The following DOK6 variants were observed in gnomAD, a reference collection of about 807,000 sequenced individuals.
DOK6 encodes downstream of tyrosine kinase 6.
A neutral mutation model predicts 44.0 loss-of-function variants in DOK6; 22 were observed. The ratio of observed to expected loss-of-function variants is 0.50; its 90% CI spans 0.36 to 0.71. The LOEUF is 0.71. DOK6 is among the 30% of genes least tolerant of loss of function. The pLI is 0.00. For synonymous variants in DOK6, 166 were observed against 145.5 expected (o/e 1.14, Z -1.01); for missense variants, 340 against 416.4 (o/e 0.82, Z 1.60).
At chr18:69,755,685 C>T (rs987988457) in intron 6 of DOK6, among the ~76,000 whole-genome samples, 1 of 152,164 alleles carries the variant, frequency 6.6e-6, no homozygotes, top group Admixed American at 6.5e-5. Context: ...GTGTAATGCA[C>T]GTTTTTAACG....
At chr18:69,483,583 A>T (rs1487321166) in intron 1 of DOK6, 3 of 152,168 alleles carry the variant, frequency 2.0e-5, no homozygotes, top group Non-Finnish European at 4.4e-5. Context: ...TTTCCTCTCT[A>T]GTCTTTGCTT....
intron 3 of DOK6, among the ~76,000 whole-genome samples, chr18:69,620,173 C>T (rs1375239593): frequency 6.6e-6 from 1 of 152,046 alleles, no homozygotes; most frequent in African/African-American, 2.4e-5. Context: ...TTAGTAGACA[C>T]TTGTGATTAC....
At chr18:69,710,916 A>G (rs1986740661) in intron 5 of DOK6, among the ~76,000 whole-genome samples, 1 of 152,240 alleles carries the variant, frequency 6.6e-6, no homozygotes, top group Non-Finnish European at 1.5e-5. Flanking sequence ...CTGTGTCTTA[A>G]TAGAAGATAC....
At chr18:69,559,278 ATTT>A (rs1982767877) in intron 1 of DOK6, among the ~76,000 whole-genome samples, 2 of 151,912 alleles carry the variant, frequency 1.3e-5, no homozygotes, top group Non-Finnish European at 2.9e-5. Context: ...AAGTATGTGT[ATTT>A]ACATATTTCC....
intron 1 of DOK6, among the ~76,000 whole-genome samples, chr18:69,491,405 A>G (rs1339651317): frequency 6.6e-6 from 1 of 152,240 alleles, no homozygotes; most frequent in Non-Finnish European, 1.5e-5. Flanking sequence ...GATATAATAA[A>G]TACATGTTTG....
chr18:69,510,700 T>G (rs1296967371), intron 1 of DOK6, among the ~76,000 whole-genome samples: 1 of 152,196 alleles, frequency 6.6e-6, no homozygotes, highest in African/African-American at 2.4e-5. Context: ...CTTATGATTC[T>G]GAACTGCTGT....
intron 1 of DOK6, among the ~76,000 whole-genome samples, chr18:69,517,886 C>G (rs1308663970): frequency 1.3e-5 from 2 of 152,050 alleles, no homozygotes; most frequent in African/African-American, 4.8e-5. Context: ...TGCTGTTTAC[C>G]TTGTAGGCTA....
At chr18:69,631,150 T>G (rs1240534888) in intron 3 of DOK6, among the ~76,000 whole-genome samples, 1 of 152,202 alleles carries the variant, frequency 6.6e-6, no homozygotes, top group African/African-American at 2.4e-5. Context: ...TCAGCATATT[T>G]TACAGTATTC....
intron 1 of DOK6, among the ~76,000 whole-genome samples, chr18:69,564,189 G>A (rs1405306344): frequency 6.6e-6 from 1 of 152,126 alleles, no homozygotes. Context: ...AGAATTGTCT[G>A]TCACTAGGAT....
At chr18:69,712,249 C>T in intron 5 of DOK6, among the ~76,000 whole-genome samples, 1 of 124,122 alleles carries the variant, frequency 8.1e-6, no homozygotes, top group South Asian at 2.7e-4. Flanking sequence ...CCACTGCACT[C>T]CAGCCTGGGC....
At chr18:69,437,997 A>C (rs1979030002) in intron 1 of DOK6, among the ~76,000 whole-genome samples, 1 of 152,212 alleles carries the variant, frequency 6.6e-6, no homozygotes. Context: ...GCCAATGATC[A>C]TCTGAGACTT....
In DOK6 at chr18:69,430,462, C is replaced by T. The variant is rs967079727; in HGVS notation, c.66+29152C>T. On this transcript the variant is annotated intron_variant, in intron 1 of 7. Coordinates refer to ENST00000382713, the MANE Select transcript of DOK6 (RefSeq NM_152721.6). ...AATGAGTTGCTCTTTATTAAAATAG[C>T]AATCACAAAACGTAGAAAACGATAA... is the stretch of plus-strand genomic sequence containing the variant. Among the ~76,000 whole-genome samples the T allele has an allele frequency of 2.6e-5, 4 of 152,162 alleles. No individual in the cohort carries two copies. In the South Asian group the frequency reaches 6.2e-4, roughly 24 times the overall value.
chr18:69,462,054 C>G (rs1362303709), intron 1 of DOK6, among the ~76,000 whole-genome samples: 2 of 152,144 alleles, frequency 1.3e-5, no homozygotes, highest in Non-Finnish European at 2.9e-5. Flanking sequence ...ATCCTCTTGT[C>G]TGGTTAGTTG....
intron 1 of DOK6, among the ~76,000 whole-genome samples, chr18:69,441,578 A>G (rs1263009142): frequency 2.0e-5 from 3 of 152,232 alleles, no homozygotes; most frequent in African/African-American, 7.2e-5. Flanking sequence ...AAACATGAGT[A>G]GCATAAATAA....
chr18:69,688,063 A>G (rs1319170740), intron 4 of DOK6, among the ~76,000 whole-genome samples: 3 of 152,070 alleles, frequency 2.0e-5, no homozygotes, highest in Non-Finnish European at 2.9e-5. Flanking sequence ...AATTAATATT[A>G]TAAAATTAAA....
intron 1 of DOK6, among the ~76,000 whole-genome samples, 158 bp downstream of exon 1, chr18:69,401,468 C>G (rs1450489643): frequency 2.6e-5 from 4 of 151,844 alleles, no homozygotes; most frequent in Non-Finnish European, 4.4e-5. Flanking sequence ...AGGTGGGGGC[C>G]CACACCTGCC....
intron 3 of DOK6, among the ~76,000 whole-genome samples, chr18:69,645,144 G>A (rs1016152824): frequency 3.9e-5 from 6 of 152,128 alleles, no homozygotes; most frequent in Non-Finnish European, 7.3e-5. Flanking sequence ...TACAATGTGT[G>A]TGTATAATTC....
At chr18:69,491,899 T>C (rs972847228) in intron 1 of DOK6, among the ~76,000 whole-genome samples, 35 of 152,354 alleles carry the variant, frequency 2.3e-4, no homozygotes, top group Non-Finnish European at 4.3e-4. Flanking sequence ...GCCAACTGGC[T>C]AGACATTACC....
At chr18:69,636,152 G>A (rs75586532) in intron 3 of DOK6, among the ~76,000 whole-genome samples, 2,299 of 152,322 alleles carry the variant, frequency 0.015, 23 homozygotes, top group South Asian at 0.046. Context: ...ATTGTCTGTA[G>A]CATGATTCTG....
Sources: gnomAD v4.1 joint callset for allele counts (sites outside exome capture counted in the v4.1 genomes callset) on GRCh38, gnomAD v4.1.1 for gene constraint, MANE v1.5 for transcripts, NCBI Gene and HGNC (gene_info 2026-07-23, HGNC 2026-07-21) for gene names.